Variants in ZNF280D observed in about 807,000 individuals in gnomAD.
ZNF280D encodes suppressor of hairy wing homolog 4.
ZNF280D carries 39 observed loss-of-function variants against 94.7 expected under a neutral mutation model. The observed-to-expected ratio is 0.41, with a 90% CI of 0.32 to 0.54. ZNF280D has a LOEUF of 0.54. Ranked by LOEUF, ZNF280D falls within the 20% of genes least tolerant of loss-of-function variation. The pLI, the probability that ZNF280D is intolerant of heterozygous loss-of-function variation, is 0.22. For missense variants in ZNF280D, 1,090 were observed against 1,149.3 expected, an observed-to-expected ratio of 0.95 and a Z score of 0.75; for synonymous variants, 398 against 377.6, an observed-to-expected ratio of 1.05 and a Z score of -0.63.
intron 16 of ZNF280D, among the ~76,000 whole-genome samples, chr15:56,664,135 G>A (rs1297859054): frequency 6.6e-6 from 1 of 152,168 alleles, no homozygotes; most frequent in African/African-American, 2.4e-5. Context: ...AGAAGTCACA[G>A]AGGAGTAAGA....
At chr15:56,669,925 T>TATA (rs34674390) in intron 13 of ZNF280D, among the ~76,000 whole-genome samples, 1 of 3,284 alleles carries the variant, frequency 3.0e-4, no homozygotes, top group Non-Finnish European at 6.8e-4. Flanking sequence ...TATATATATA[T>TATA]TATATATATA....
At chr15:56,719,244 G>C (rs1393986158) in intron 1 of ZNF280D, among the ~76,000 whole-genome samples, 1 of 151,940 alleles carries the variant, frequency 6.6e-6, no homozygotes, top group Non-Finnish European at 1.5e-5. Context: ...GGGTGGAAGA[G>C]ACAAATCCCT....
chr15:56,713,479 A>C (rs2057882785), intron 1 of ZNF280D, among the ~76,000 whole-genome samples: 1 of 152,194 alleles, frequency 6.6e-6, no homozygotes, highest in Non-Finnish European at 1.5e-5. Flanking sequence ...CAGGCATTTA[A>C]GTCATTCTAC....
chr15:56,649,085 T>C (rs1260505638), intron 19 of ZNF280D, among the ~76,000 whole-genome samples: 1 of 152,192 alleles, frequency 6.6e-6, no homozygotes, highest in East Asian at 1.9e-4. Context: ...GACCAAAATA[T>C]TCATGTGTAA....
chr15:56,723,895 A>T (rs2058503300), intron 1 of ZNF280D, among the ~76,000 whole-genome samples: 1 of 152,212 alleles, frequency 6.6e-6, no homozygotes, highest in Admixed American at 6.5e-5. Flanking sequence ...CCTACCGAAC[A>T]TCACAGCTTA....
At chr15:56,686,941 T>A (rs1286438851) in intron 9 of ZNF280D, among the ~76,000 whole-genome samples, 1 of 152,150 alleles carries the variant, frequency 6.6e-6, no homozygotes, top group Non-Finnish European at 1.5e-5. Flanking sequence ...TATTGTAGAA[T>A]ATTTGATATT....
Position 56,731,844 on chromosome 15 carries a change from T to C in ZNF280D, c.-86+1614A>G, listed in dbSNP as rs563173469. On this transcript the variant is annotated intron_variant, in intron 1 of 21. Transcript: ENST00000267807. The stretch of plus-strand genomic sequence containing the variant: ...AACTTTCCAATATTTTCGAAAAAAA[T>C]AGCAAGTTGCAAAGTTAAGAAATTA... Among the ~76,000 whole-genome samples the C allele has an allele frequency of 5.9e-5, 9 of 152,130 alleles. No homozygotes were observed. The South Asian group carries it at 1.0e-3, about 18-fold the overall frequency.
chr15:56,666,157 C>G (rs1296983250), intron 16 of ZNF280D, among the ~76,000 whole-genome samples: 1 of 152,072 alleles, frequency 6.6e-6, no homozygotes, highest in Non-Finnish European at 1.5e-5. Flanking sequence ...AAAACTATTA[C>G]CCTAACAAAC....
At chr15:56,723,796 T>C (rs1369369356) in intron 1 of ZNF280D, among the ~76,000 whole-genome samples, 1 of 152,224 alleles carries the variant, frequency 6.6e-6, no homozygotes, top group Non-Finnish European at 1.5e-5. Context: ...TCACTTTATA[T>C]AGTTGCTCTT....
Position 56,729,022 on chromosome 15 carries a change from C to G in ZNF280D, c.-86+4436G>C, listed in dbSNP as rs557358431. Among the ~76,000 whole-genome samples, 12 of 152,186 alleles carry G rather than the reference C, an allele frequency of 7.9e-5. No individual in the cohort carries two copies. The South Asian group carries it at 2.1e-3, about 26-fold the overall frequency. Reference sequence around the variant, plus strand: ...CGGGTTTATCAAGGATGTAACCTATCGTAATTCAAGGAGCATCTATAGTTA... The same window carrying G: ...CGGGTTTATCAAGGATGTAACCTATGGTAATTCAAGGAGCATCTATAGTTA... On this transcript the variant is annotated intron_variant, in intron 1 of 21. Coordinates refer to ENST00000267807, the MANE Select transcript of ZNF280D (RefSeq NM_017661.4).
intron 1 of ZNF280D, among the ~76,000 whole-genome samples, chr15:56,723,710 C>T (rs2058490106): frequency 6.6e-6 from 1 of 152,080 alleles, no homozygotes; most frequent in Non-Finnish European, 1.5e-5. Flanking sequence ...ACCATCCTTG[C>T]CTCTCCATCC....
chr15:56,666,629 T>C, intron 15 of ZNF280D, 50 bp downstream of exon 15: 2 of 1,504,742 alleles, frequency 1.3e-6, no homozygotes, highest in Non-Finnish European at 1.8e-6. Context: ...AAAGTATAAG[T>C]TTTTATACTT....
At position 56,652,565 on chromosome 15, in the gene ZNF280D, C is replaced by T. The variant is rs1420472723; in HGVS notation, c.2213+1633G>A. 5 of 887,670 alleles carry T rather than the reference C, an allele frequency of 5.6e-6. No homozygotes were observed. The East Asian group carries it at 4.8e-4, about 85-fold the overall frequency. The allele number at this position is 887,670 out of a possible 1,614,324, so 55.0% of individuals were successfully genotyped here. On this transcript the variant is annotated intron_variant, in intron 19 of 21. Coordinates refer to ENST00000267807, the MANE Select transcript of ZNF280D (RefSeq NM_017661.4). ...ATATTCAATGTAACTAAAATAAACA[C>T]ATGACAAATTTAAAATATATAAAGG...
intron 1 of ZNF280D, among the ~76,000 whole-genome samples, chr15:56,711,585 C>T (rs918846078): frequency 7.2e-5 from 11 of 152,052 alleles, no homozygotes; most frequent in Middle Eastern, 3.2e-3. Context: ...TGGCTTTAAC[C>T]AGGAGGCAGA....
Position 56,701,216 on chromosome 15 carries a change from G to A in ZNF280D, c.198C>T (p.Pro66=), listed in dbSNP as rs1419737710. 1 of 1,579,214 alleles carries A rather than the reference G, an allele frequency of 6.3e-7. No homozygotes were observed. Among genetic ancestry groups the A allele is most frequent in the South Asian group, 1.1e-5 (1 of 88,152 alleles). The change falls in exon 5 of 22, where the codon CCC becomes CCT. Residue 66 remains proline (P), a synonymous_variant. Coordinates refer to ENST00000267807, the MANE Select transcript of ZNF280D (RefSeq NM_017661.4). ...AISNILNRVN[P]SSYSRGLKNG... ...TCTTTAGTCCCCTTGAATATGAGCTGGGGTTAACTCTGTTCAAAATATCTA... is the reference window on the plus strand; with the variant it reads ...TCTTTAGTCCCCTTGAATATGAGCTAGGGTTAACTCTGTTCAAAATATCTA...
In ZNF280D at chr15:56,682,471, A is replaced by T; in HGVS notation, c.787T>A (p.Cys263Ser). The stretch of plus-strand genomic sequence containing the variant: ...AAAAAGTTATTTATCATGTCTGGAC[A>T]ACAATACTGAAAGAGAAAAAAAAAA... ...DPLKNHMKYC[C>S]PDMINNFLGL... The change falls in exon 10 of 22, where the codon TGT becomes AGT. Residue 263 changes from cysteine to serine, a missense_variant. Around this residue, in one of 3 missense-constraint regions of ZNF280D, gnomAD observed 386 missense variants for 372.0 expected, o/e 1.04. Coordinates refer to ENST00000267807, the MANE Select transcript of ZNF280D (RefSeq NM_017661.4). 6.7e-7 allele frequency: 1 copy of T among 1,496,188 alleles called. No individual in the cohort carries two copies. Among genetic ancestry groups the T allele is most frequent in the Non-Finnish European group, 8.9e-7 (1 of 1,123,984 alleles). The allele number at this position is 1,496,188 out of a possible 1,614,324, so 92.7% of individuals were successfully genotyped here. A position where few individuals can be genotyped will look rare whatever the true frequency, so the allele number is the denominator to read the frequency against.
chr15:56,687,087 T>C (rs913544019), intron 9 of ZNF280D, among the ~76,000 whole-genome samples: 1 of 152,082 alleles, frequency 6.6e-6, no homozygotes, highest in South Asian at 2.1e-4. Context: ...CATAAAAATA[T>C]ATAAACTAGA....
rs113795502 is a variant in ZNF280D, at chr15:56,649,609, GT to G, written c.2213+4588del. ...CAAAATGAACTCAATAGATCAGTTT[GT>G]TTTTTTTTTTTAATCTTGCTAAATT... On this transcript the variant is annotated intron_variant, in intron 19 of 21. Transcript: ENST00000267807. Among the ~76,000 whole-genome samples, 320 of 142,466 alleles carry G rather than the reference GT, an allele frequency of 2.2e-3. 4 individuals carry two copies. The highest frequency in any genetic ancestry group is 5.2e-3 in the African/African-American group (204 of 39,162). 93.5% of individuals were successfully genotyped at this position (142,466 alleles called of 152,430 possible).
At chr15:56,697,651 C>T (rs1399740530) in intron 6 of ZNF280D, 1 of 152,174 alleles carries the variant, frequency 6.6e-6, no homozygotes, top group East Asian at 1.9e-4. Flanking sequence ...TCTTTGGCTT[C>T]AGAATCATCT....
Sources: gnomAD v4.1 joint callset for allele counts (sites outside exome capture counted in the v4.1 genomes callset) on GRCh38, gnomAD v4.1.1 for gene constraint, gnomAD v4.1.1 regional missense constraint, MANE v1.5 for transcripts, NCBI Gene and HGNC (gene_info 2026-07-23, HGNC 2026-07-21) for gene names.